Variants in RAB27B observed in about 807,000 individuals in gnomAD.
RAB27B encodes the protein RAB27B, member RAS oncogene family.
RAB27B carries 15 observed loss-of-function variants against 24.6 expected under a neutral mutation model. That is an observed-to-expected ratio of 0.61 (90% CI 0.41 to 0.94). The LOEUF is 0.94. RAB27B is among the 40% of genes least tolerant of loss of function. The probability of loss-of-function intolerance (pLI) is 0.00; values close to 1 mark genes in which losing one functional copy is unlikely to be tolerated. For synonymous variants in RAB27B, 105 were observed against 92.5 expected, an observed-to-expected ratio of 1.14 and a Z score of -0.78; for missense variants, 261 against 266.8, an observed-to-expected ratio of 0.98 and a Z score of 0.15.
chr18:54,803,483 G>A (rs968809179), intron 2 of RAB27B, among the ~76,000 whole-genome samples: 2 of 152,194 alleles, frequency 1.3e-5, no homozygotes, highest in African/African-American at 4.8e-5. Context: ...ATGATCAGTA[G>A]ACAGTAGAGG....
intron 1 of RAB27B, among the ~76,000 whole-genome samples, chr18:54,875,344 T>G (rs1598984887): frequency 1.3e-5 from 2 of 152,194 alleles, no homozygotes; most frequent in South Asian, 4.2e-4. Flanking sequence ...AACAAATTTT[T>G]TTTTGGAGAA....
chr18:54,870,399 C>A (rs56184107), intron 1 of RAB27B, among the ~76,000 whole-genome samples: 51,642 of 151,898 alleles, frequency 0.34, 10,270 homozygotes, highest in Admixed American at 0.43. Context: ...TAAAAGCAGC[C>A]AGCATGTTGC....
rs1003354388 is a variant in RAB27B at position 54,763,952 on chromosome 18, C to A, written c.-20+45811C>A. On this transcript the variant is annotated intron_variant, in intron 2 of 4. Transcript: ENST00000586570. ...TTCTAAGTTCTCTTTCCCTGGTTAT[C>A]TGTGGAATTTGTCACCTCTAATCAA... 3.3e-5 allele frequency among the ~76,000 whole-genome samples: 5 copies of A among 152,256 alleles called. No homozygotes were observed. The South Asian group carries it at 6.2e-4, about 19-fold the overall frequency.
intron 1 of RAB27B, among the ~76,000 whole-genome samples, chr18:54,873,637 G>A (rs1246292902): frequency 6.9e-6 from 1 of 145,664 alleles, no homozygotes; most frequent in Non-Finnish European, 1.5e-5. Context: ...TATGATTTTA[G>A]GACTCAAAAA....
At chr18:54,826,952 G>C (rs943116764), upstream of RAB27B, among the ~76,000 whole-genome samples, 1 of 152,224 alleles carries the variant, frequency 6.6e-6, no homozygotes, top group African/African-American at 2.4e-5. Flanking sequence ...ACATGAACTA[G>C]ATAAAGAATA....
At chr18:54,860,413 C>T (rs934245780) in intron 1 of RAB27B, among the ~76,000 whole-genome samples, 9 of 152,096 alleles carry the variant, frequency 5.9e-5, no homozygotes, top group Middle Eastern at 3.2e-3. Flanking sequence ...CAATGACACT[C>T]GTGCACATTC....
intron 1 of RAB27B, among the ~76,000 whole-genome samples, chr18:54,864,229 A>G (rs917791251): frequency 1.3e-5 from 2 of 152,128 alleles, no homozygotes; most frequent in Non-Finnish European, 1.5e-5. Context: ...ATCTCATTGC[A>G]GTTTTGACCC....
chr18:54,825,969 T>C (rs1173878289), upstream of RAB27B, among the ~76,000 whole-genome samples: 4 of 152,254 alleles, frequency 2.6e-5, no homozygotes, highest in African/African-American at 9.6e-5. Context: ...ATGCAGTGTA[T>C]AGAATCCTCT....
At chr18:54,786,957 G>A (rs569057548) in intron 2 of RAB27B, among the ~76,000 whole-genome samples, 1 of 152,314 alleles carries the variant, frequency 6.6e-6, no homozygotes, top group East Asian at 1.9e-4. Context: ...TGTTTTGCCT[G>A]TATGCATCAA....
intron 2 of RAB27B, among the ~76,000 whole-genome samples, chr18:54,732,086 T>C (rs963361386): frequency 1.7e-4 from 26 of 152,344 alleles, no homozygotes; most frequent in Non-Finnish European, 3.1e-4. Flanking sequence ...CCATTTTTTA[T>C]GTCTTGGCAA....
At chr18:54,743,364 T>G (rs759767943) in intron 2 of RAB27B, among the ~76,000 whole-genome samples, 11 of 152,210 alleles carry the variant, frequency 7.2e-5, no homozygotes, top group Non-Finnish European at 1.6e-4. Context: ...ATAATAGAGT[T>G]CCTGTTATCT....
intron 2 of RAB27B, among the ~76,000 whole-genome samples, chr18:54,819,548 GAAAAA>G (rs770260592): frequency 8.3e-6 from 1 of 120,084 alleles, no homozygotes; most frequent in South Asian, 2.7e-4. Flanking sequence ...AAAAAAAAAA[GAAAAA>G]AAAAAGAATA....
Position 54,862,050 on chromosome 18 carries a change from G to A in RAB27B, c.-19-15517G>A, listed in dbSNP as rs1336036084. Among the ~76,000 whole-genome samples the A allele has an allele frequency of 1.1e-4, 5 of 47,386 alleles. 1 individual carries two copies. Among genetic ancestry groups the A allele is most frequent in the African/African-American group, 2.3e-4 (5 of 21,824 alleles). The allele number at this position is 47,386 out of a possible 152,430, so 31.1% of individuals were successfully genotyped here. Reference sequence around the variant, plus strand: ...GTCCTGGCAGAAAGGATCTAGGAAAGCATTTAAAGAAAAAAAAAAAAGCAT... The same window carrying A: ...GTCCTGGCAGAAAGGATCTAGGAAAACATTTAAAGAAAAAAAAAAAAGCAT... On this transcript the variant is annotated intron_variant, in intron 1 of 5. Coordinates refer to ENST00000262094, the MANE Select transcript of RAB27B (RefSeq NM_004163.4).
intron 1 of RAB27B, among the ~76,000 whole-genome samples, chr18:54,849,922 T>C (rs2145215939): frequency 6.6e-6 from 1 of 152,294 alleles, no homozygotes; most frequent in East Asian, 1.9e-4. Context: ...GGTAAATATT[T>C]ACTCATACCT....
chr18:54,807,495 T>C (rs538858545), intron 2 of RAB27B, among the ~76,000 whole-genome samples: 1 of 152,306 alleles, frequency 6.6e-6, no homozygotes, highest in Admixed American at 6.5e-5. Context: ...GGATTGAACA[T>C]GATAACTTGA....
intron 2 of RAB27B, among the ~76,000 whole-genome samples, chr18:54,783,302 A>G (rs2145095645): frequency 6.6e-6 from 1 of 152,192 alleles, no homozygotes; most frequent in South Asian, 2.1e-4. Context: ...GGCAACACAC[A>G]AAGATGATGA....
In RAB27B at chr18:54,807,437, C is replaced by T. The variant is rs9947763; in HGVS notation, c.-19-70130C>T. On this transcript the variant is annotated intron_variant, in intron 2 of 4. Coordinates refer to the RAB27B transcript ENST00000586570. ...TGGACAAGCTTTAAACAAGTCCTTA[C>T]CTTCTTGTTTTAAGGACATAATCTC... Among the ~76,000 whole-genome samples the T allele has an allele frequency of 8.7e-3, 1,322 of 152,244 alleles. 10 individuals carry two copies. Among genetic ancestry groups the T allele is most frequent in the African/African-American group, 0.031 (1,281 of 41,546 alleles).
intron 1 of RAB27B, among the ~76,000 whole-genome samples, chr18:54,830,381 C>T (rs1447012286): frequency 6.6e-6 from 1 of 152,224 alleles, no homozygotes; most frequent in African/African-American, 2.4e-5. Context: ...TTTGGGCTCT[C>T]AGATCAGTAC....
chr18:54,843,362 T>A (rs1305408763), intron 1 of RAB27B, among the ~76,000 whole-genome samples: 1 of 3,762 alleles, frequency 2.7e-4, no homozygotes, highest in Non-Finnish European at 0.05. Flanking sequence ...ATAAAACTCT[T>A]TTTTTTTTTA....
Sources: gnomAD v4.1 joint callset for allele counts (sites outside exome capture counted in the v4.1 genomes callset) on GRCh38, gnomAD v4.1.1 for gene constraint, MANE v1.5 for transcripts, NCBI Gene and HGNC (gene_info 2026-07-23, HGNC 2026-07-21) for gene names.